The following DEUP1 variants were observed in gnomAD, a reference collection of about 807,000 sequenced individuals.
The protein encoded by DEUP1 is deuterosome assembly protein 1, also known as coiled-coil domain containing 67.
A neutral mutation model predicts 87.4 loss-of-function variants in DEUP1; 82 were observed. That is an observed-to-expected ratio of 0.94 (90% CI 0.78 to 1.13). The LOEUF (loss-of-function observed/expected upper bound fraction) is 1.13, where lower values mean the gene tolerates loss of function less well. DEUP1 is among the 50% of genes most tolerant of loss of function. The pLI, the probability that DEUP1 is intolerant of heterozygous loss-of-function variation, is 0.00. For synonymous variants in DEUP1, 214 were observed against 222.7 expected, an observed-to-expected ratio of 0.96 and a Z score of 0.35; for missense variants, 663 against 681.5, an observed-to-expected ratio of 0.97 and a Z score of 0.30.
chr11:93,349,330 G>A (rs1944515139), intron 2 of DEUP1, among the ~76,000 whole-genome samples: 1 of 152,180 alleles, frequency 6.6e-6, no homozygotes, highest in Non-Finnish European at 1.5e-5. Context: ...GCACAAGATA[G>A]TGAAAGGTGG....
rs530722707 is a variant in DEUP1, at chr11:93,391,748, A to T, written c.1041+2623A>T. Among the ~76,000 whole-genome samples, 5 of 151,882 alleles carry T rather than the reference A, an allele frequency of 3.3e-5. No individual in the cohort carries two copies. The East Asian group carries it at 9.7e-4, about 29-fold the overall frequency. On this transcript the variant is annotated intron_variant, in intron 9 of 13. Coordinates refer to ENST00000298050, the MANE Select transcript of DEUP1 (RefSeq NM_181645.4). ...AAAAAAGTTCCATTTTAAGTGGAAC[A>T]GGTTAAACTATGCCAAAGGGATGCG...
chr11:93,330,451 C>A (rs545885307), upstream of DEUP1, among the ~76,000 whole-genome samples: 124 of 152,282 alleles, frequency 8.1e-4, no homozygotes, highest in African/African-American at 2.7e-3. Flanking sequence ...TGCGGGACAG[C>A]GAGGTCGCGC....
chr11:93,380,826 C>T (rs2134306588), intron 7 of DEUP1, among the ~76,000 whole-genome samples: 1 of 152,136 alleles, frequency 6.6e-6, no homozygotes, highest in African/African-American at 2.4e-5. Flanking sequence ...GATCTAGGAC[C>T]ATTATTAAAT....
At chr11:93,431,628 A>C (rs1311467168) in intron 13 of DEUP1, among the ~76,000 whole-genome samples, 1 of 152,228 alleles carries the variant, frequency 6.6e-6, no homozygotes, top group Non-Finnish European at 1.5e-5. Context: ...CTAAATAAAG[A>C]ATAAATTATA....
chr11:93,388,674 CT>C, intron 8 of DEUP1, among the ~76,000 whole-genome samples: 1 of 152,150 alleles, frequency 6.6e-6, no homozygotes, highest in Middle Eastern at 3.4e-3. Flanking sequence ...GGTGTGTTTC[CT>C]TTTTTTAAAT....
rs540920428 is a variant in DEUP1, at chr11:93,414,694, T to G, written c.1524-306T>G. Reference sequence around the variant, plus strand: ...CTTTTCTCAAACTGCTTTACATTATTAAAATAAATGACAAAGACATAGAAA... The same window carrying G: ...CTTTTCTCAAACTGCTTTACATTATGAAAATAAATGACAAAGACATAGAAA... On this transcript the variant is annotated intron_variant, in intron 12 of 13. Transcript: ENST00000298050. Among the ~76,000 whole-genome samples, 5 of 152,234 alleles carry G rather than the reference T, an allele frequency of 3.3e-5. 1 individual carries two copies. In the South Asian group the frequency reaches 1.0e-3, roughly 32 times the overall value.
At chr11:93,411,126 A>C (rs184668449) in intron 12 of DEUP1, 1 of 152,364 alleles carries the variant, frequency 6.6e-6, no homozygotes, top group East Asian at 1.9e-4. Context: ...AGAGCTGCAA[A>C]GCAGATATCT....
At chr11:93,430,956 C>T (rs1010644618) in intron 13 of DEUP1, among the ~76,000 whole-genome samples, 4 of 151,866 alleles carry the variant, frequency 2.6e-5, no homozygotes, top group South Asian at 2.1e-4. Context: ...ATTGGCTGGG[C>T]GTGGTGGCAC....
intron 12 of DEUP1, among the ~76,000 whole-genome samples, chr11:93,409,505 C>CTG (rs1304514005): frequency 6.6e-6 from 1 of 152,158 alleles, no homozygotes; most frequent in Non-Finnish European, 1.5e-5. Flanking sequence ...TTAACTTACA[C>CTG]TGTGATTGTC....
intron 2 of DEUP1, among the ~76,000 whole-genome samples, chr11:93,340,616 G>T (rs939396682): frequency 3.0e-4 from 46 of 152,206 alleles, no homozygotes; most frequent in African/African-American, 1.1e-3. Flanking sequence ...GGGTTGAAAA[G>T]GCAGACAAGC....
chr11:93,361,637 G>A (rs1945182459), intron 4 of DEUP1, among the ~76,000 whole-genome samples: 1 of 151,866 alleles, frequency 6.6e-6, no homozygotes, highest in Admixed American at 6.6e-5. Flanking sequence ...TCTACAAAGA[G>A]ATATACTCAA....
chr11:93,378,606 T>C (rs1408981109), intron 7 of DEUP1, among the ~76,000 whole-genome samples: 3 of 152,158 alleles, frequency 2.0e-5, no homozygotes, highest in African/African-American at 4.8e-5. Flanking sequence ...TTTTGATCCA[T>C]TGCTGGCGAG....
intron 13 of DEUP1, among the ~76,000 whole-genome samples, chr11:93,431,467 A>C (rs889139398): frequency 1.3e-5 from 2 of 152,200 alleles, no homozygotes; most frequent in Admixed American, 1.3e-4. Context: ...ACAGTAGGTC[A>C]TGGGAAGGAG....
chr11:93,370,148 C>T lies in DEUP1; in HGVS notation c.508C>T (p.Gln170Ter), dbSNP rs1206236310. The part of the protein sequence containing the change: ...YQTHLISLDA[Q>*]QKLLSEKCNQ... The stretch of plus-strand genomic sequence containing the variant: ...GACTCATCTGATTTCTTTAGATGCT[C>T]AACAAAAATTATTATCTGAGAAGTG... Residue 170 changes from glutamine to a stop codon, truncating the protein, a stop_gained, in exon 6 of 14, where the codon CAA (glutamine) becomes TAA (stop). Coordinates refer to ENST00000298050, the MANE Select transcript of DEUP1 (RefSeq NM_181645.4). LOFTEE classifies it high-confidence loss of function. 1.3e-6 allele frequency: 2 copies of T among 1,597,948 alleles called. No homozygotes were observed. The highest frequency in any genetic ancestry group is 8.6e-7 in the Non-Finnish European group (1 of 1,167,962).
intron 11 of DEUP1, among the ~76,000 whole-genome samples, chr11:93,407,794 C>CA (rs1355829105): frequency 2.6e-5 from 4 of 150,950 alleles, no homozygotes; most frequent in Admixed American, 6.6e-5. Context: ...CCTATGAACA[C>CA]AAAAAAACTT....
chr11:93,367,877 C>T (rs1487003079), intron 5 of DEUP1, among the ~76,000 whole-genome samples: 3 of 152,164 alleles, frequency 2.0e-5, no homozygotes, highest in East Asian at 1.9e-4. Context: ...TGTTTTTGTT[C>T]GTACATTCAT....
chr11:93,337,958 T>TA (rs34025697), intron 2 of DEUP1, among the ~76,000 whole-genome samples: 50,702 of 151,994 alleles, frequency 0.33, 8,853 homozygotes, highest in Non-Finnish European at 0.4. Context: ...ATCAGGTGCA[T>TA]CCCACCTAAC....
chr11:93,363,321 T>C (rs1388251881), intron 4 of DEUP1, among the ~76,000 whole-genome samples: 1 of 151,874 alleles, frequency 6.6e-6, no homozygotes, highest in Non-Finnish European at 1.5e-5. Flanking sequence ...CAGATAAATC[T>C]ATATATGTGA....
intron 4 of DEUP1, chr11:93,357,472 C>A (rs1944953089): frequency 6.3e-6 from 1 of 158,416 alleles, no homozygotes; most frequent in Admixed American, 6.4e-5. Context: ...GTCTTTATTA[C>A]CTTGTTACTG....
Sources: allele counts gnomAD v4.1 joint callset (sites outside exome capture counted in the v4.1 genomes callset), GRCh38; gene constraint gnomAD v4.1.1; transcripts MANE v1.5; gene names NCBI Gene and HGNC (gene_info 2026-07-23, HGNC 2026-07-21).